Variants in ATP2C1 observed in about 807,000 individuals in gnomAD.
The protein encoded by ATP2C1 is ATPase secretory pathway Ca2+ transporting 1, also known as calcium-transporting ATPase type 2C member 1.
A neutral mutation model predicts 120.5 loss-of-function variants in ATP2C1; 31 were observed. That is an observed-to-expected ratio of 0.26 (90% CI 0.19 to 0.35). The LOEUF (loss-of-function observed/expected upper bound fraction) is 0.35, where lower values mean the gene tolerates loss of function less well. ATP2C1 is among the 10% of genes least tolerant of loss of function. The pLI is 1.00. For missense variants in ATP2C1, 731 were observed against 1,107.5 expected (o/e 0.66, Z 4.83); for synonymous variants, 351 against 358.7 (o/e 0.98, Z 0.24).
At chr3:131,013,978 T>C in intron 26 of ATP2C1, 1 of 1,040,972 alleles carries the variant, frequency 9.6e-7, no homozygotes, top group South Asian at 1.6e-5. Flanking sequence ...AAGAAAAAGC[T>C]AATTGTTTCA....
intron 14 of ATP2C1, among the ~76,000 whole-genome samples, chr3:130,966,521 A>C (rs1447044682): frequency 6.6e-6 from 1 of 151,992 alleles, no homozygotes; most frequent in Non-Finnish European, 1.5e-5. Context: ...CCAGCCTCCC[A>C]AGTGTTAGGA....
chr3:130,951,273 A>G (rs1205421970), intron 8 of ATP2C1, among the ~76,000 whole-genome samples: 1 of 152,184 alleles, frequency 6.6e-6, no homozygotes, highest in Admixed American at 6.5e-5. Flanking sequence ...ATTAAGAGGA[A>G]TCTGGAGTTA....
chr3:130,919,671 G>A (rs1354664440), intron 2 of ATP2C1, among the ~76,000 whole-genome samples: 1 of 152,216 alleles, frequency 6.6e-6, no homozygotes, highest in African/African-American at 2.4e-5. Context: ...GGTAATATCC[G>A]TTTGAGATCC....
intron 3 of ATP2C1, 59 bp downstream of exon 3, chr3:130,930,585 A>G: frequency 1.3e-5 from 14 of 1,058,666 alleles, no homozygotes; most frequent in East Asian, 2.4e-5. Flanking sequence ...CTTAGACTCT[A>G]TAAAACAGTG....
chr3:131,007,636 A>T (rs890577681), downstream of ATP2C1, among the ~76,000 whole-genome samples: 1 of 152,092 alleles, frequency 6.6e-6, no homozygotes, highest in Admixed American at 6.5e-5. Context: ...ACAGTTTTTT[A>T]AAAAATTACT....
At chr3:130,972,432 C>T (rs2061358553) in intron 17 of ATP2C1, among the ~76,000 whole-genome samples, 1 of 152,014 alleles carries the variant, frequency 6.6e-6, no homozygotes, top group Non-Finnish European at 1.5e-5. Flanking sequence ...CTTAGCTCTG[C>T]CAGTGCTCAT....
At chr3:130,917,093 T>C (rs2058723043) in intron 2 of ATP2C1, among the ~76,000 whole-genome samples, 1 of 152,238 alleles carries the variant, frequency 6.6e-6, no homozygotes, top group African/African-American at 2.4e-5. Context: ...CAGTACAGTA[T>C]TATTTATTAA....
At chr3:130,905,998 A>G (rs1457586295) in intron 2 of ATP2C1, among the ~76,000 whole-genome samples, 2 of 152,084 alleles carry the variant, frequency 1.3e-5, no homozygotes, top group Admixed American at 1.3e-4. Flanking sequence ...ACCCGGAGCC[A>G]CCTACAGTAT....
At chr3:130,879,847 T>C (rs2068727713) in intron 1 of ATP2C1, among the ~76,000 whole-genome samples, 3 of 152,190 alleles carry the variant, frequency 2.0e-5, no homozygotes, top group Admixed American at 6.5e-5. Flanking sequence ...GTGGCTTAGA[T>C]TGCAGTTGTC....
At chr3:130,907,011 T>C (rs952642550) in intron 2 of ATP2C1, among the ~76,000 whole-genome samples, 2 of 152,088 alleles carry the variant, frequency 1.3e-5, no homozygotes, top group African/African-American at 2.4e-5. Flanking sequence ...TTCAAATCTT[T>C]TGACCATTTT....
intron 13 of ATP2C1, among the ~76,000 whole-genome samples, chr3:130,964,369 T>G (rs954403583): frequency 2.0e-5 from 3 of 152,028 alleles, no homozygotes; most frequent in Admixed American, 2.0e-4. Flanking sequence ...GGAGTAAAAT[T>G]AATAGAATTT....
At chr3:130,875,326 T>C (rs1004736670) in intron 1 of ATP2C1, among the ~76,000 whole-genome samples, 3 of 152,216 alleles carry the variant, frequency 2.0e-5, no homozygotes, top group East Asian at 3.8e-4. Context: ...TTCTACTATT[T>C]ACTTCTATGA....
At chr3:130,919,492 T>G (rs1301704186) in intron 2 of ATP2C1, among the ~76,000 whole-genome samples, 1 of 152,138 alleles carries the variant, frequency 6.6e-6, no homozygotes, top group Non-Finnish European at 1.5e-5. Context: ...GTGCTAGGAT[T>G]ACAGGCATGA....
intron 5 of ATP2C1, among the ~76,000 whole-genome samples, chr3:130,936,743 G>A (rs915532354): frequency 8.0e-5 from 12 of 150,860 alleles, no homozygotes; most frequent in South Asian, 2.1e-4. Flanking sequence ...CGTGAACCCC[G>A]GAGGCGGAGC....
Position 131,002,337 on chromosome 3 carries a change from A to T in ATP2C1, c.*987A>T. On this transcript the variant is annotated 3_prime_UTR_variant, in exon 28 of 28. Coordinates refer to ENST00000510168, the MANE Select transcript of ATP2C1 (RefSeq NM_001378687.1). ...GGAAGTATAGGCTACTGGACTTAGAATAAAAAGTCCCCAAACCCAAACAAA... is the reference window on the plus strand; with the variant it reads ...GGAAGTATAGGCTACTGGACTTAGATTAAAAAGTCCCCAAACCCAAACAAA... 2.0e-6 allele frequency: 2 copies of T among 985,230 alleles called. No individual in the cohort carries two copies. Among genetic ancestry groups the T allele is most frequent in the Non-Finnish European group, 2.4e-6 (2 of 829,746 alleles). 61.0% of individuals were successfully genotyped at this position (985,230 alleles called of 1,614,324 possible). A position where few individuals can be genotyped will look rare whatever the true frequency, so the allele number is the denominator to read the frequency against.
intron 2 of ATP2C1, among the ~76,000 whole-genome samples, chr3:130,916,234 T>G (rs1246929090): frequency 6.7e-6 from 1 of 148,724 alleles, no homozygotes; most frequent in Non-Finnish European, 1.5e-5. Context: ...GGTGAAACCC[T>G]GTCTCTACTC....
At chr3:130,958,007 A>G (rs913164645) in intron 11 of ATP2C1, among the ~76,000 whole-genome samples, 1 of 152,128 alleles carries the variant, frequency 6.6e-6, no homozygotes, top group Admixed American at 6.6e-5. Context: ...CTTCCGTTTG[A>G]TTATTGCTCA....
intron 1 of ATP2C1, among the ~76,000 whole-genome samples, chr3:130,887,144 G>C (rs1423430419): frequency 2.0e-5 from 3 of 152,206 alleles, no homozygotes; most frequent in South Asian, 2.1e-4. Flanking sequence ...TTATGAGGCA[G>C]AGACTCTTGT....
chr3:130,964,091 T>G lies in ATP2C1; in HGVS notation c.1020T>G (p.Thr340=), dbSNP rs762186868. ...AIVKKLPIVE[T]LGCCNVICSD... ...TGAAAAAGCTGCCTATTGTTGAAACTCTGGGTAAGTCTGTGTTAAGAGCAT... is the reference window on the plus strand; with the variant it reads ...TGAAAAAGCTGCCTATTGTTGAAACGCTGGGTAAGTCTGTGTTAAGAGCAT... Residue 340 remains threonine (T), a synonymous_variant, in exon 13 of 28, where the codon ACT becomes ACG. Coordinates refer to ENST00000510168, the MANE Select transcript of ATP2C1 (RefSeq NM_001378687.1). 3.1e-6 allele frequency: 5 copies of G among 1,612,210 alleles called. No homozygotes were observed. The highest frequency in any genetic ancestry group is 4.2e-6 in the Non-Finnish European group (5 of 1,178,638).
Sources: allele counts gnomAD v4.1 joint callset (sites outside exome capture counted in the v4.1 genomes callset), GRCh38; gene constraint gnomAD v4.1.1; transcripts MANE v1.5; gene names NCBI Gene and HGNC (gene_info 2026-07-23, HGNC 2026-07-21).